The following CTIF variants were observed in gnomAD, a reference collection of about 807,000 sequenced individuals.
CTIF encodes cap binding complex dependent translation initiation factor, also known as CBP80/20-dependent translation initiation factor.
A neutral mutation model predicts 66.0 loss-of-function variants in CTIF; 21 were observed. The ratio of observed to expected loss-of-function variants is 0.32; its 90% confidence interval spans 0.23 to 0.46. The LOEUF (loss-of-function observed/expected upper bound fraction) is 0.46, where lower values mean the gene tolerates loss of function less well. Ranked by LOEUF, CTIF falls within the 20% of genes least tolerant of loss-of-function variation. The probability of loss-of-function intolerance (pLI) is 1.00; values close to 1 mark genes in which losing one functional copy is unlikely to be tolerated. For missense variants in CTIF, 739 were observed against 812.7 expected (o/e 0.91, Z 1.10); for synonymous variants, 345 against 326.4 (o/e 1.06, Z -0.62).
In CTIF at chr18:48,818,933, A is replaced by T. The variant is rs374122592; in HGVS notation, c.1527+1557A>T. Among the ~76,000 whole-genome samples the T allele has an allele frequency of 2.2e-4, 33 of 152,158 alleles. No individual in the cohort carries two copies. The South Asian group carries it at 6.6e-3, about 31-fold the overall frequency. ...TCTGTGAATGGCAGCAGGGAAGGAG[A>T]GCTGTGGGGTCAAGGGGCATCTTTA... On this transcript the variant is annotated intron_variant, in intron 10 of 11. Transcript: ENST00000256413.
intron 1 of CTIF, among the ~76,000 whole-genome samples, chr18:48,572,097 T>C (rs1344510525): frequency 2.0e-5 from 3 of 147,590 alleles, no homozygotes; most frequent in South Asian, 2.2e-4. Flanking sequence ...TCCTCCTCCT[T>C]CTCCTCCTTC....
At chr18:48,729,110 C>T (rs988655259) in intron 7 of CTIF, among the ~76,000 whole-genome samples, 4 of 152,198 alleles carry the variant, frequency 2.6e-5, no homozygotes, top group African/African-American at 9.7e-5. Flanking sequence ...CTGCCCATGG[C>T]CCCTCTCCAT....
At chr18:48,561,448 C>T (rs1284489310) in intron 1 of CTIF, among the ~76,000 whole-genome samples, 1 of 152,150 alleles carries the variant, frequency 6.6e-6, no homozygotes, top group Non-Finnish European at 1.5e-5. Flanking sequence ...CTGGGAAGTG[C>T]AGGCTCTTGG....
intron 2 of CTIF, 136 bp downstream of exon 2, chr18:48,619,881 A>G: frequency 1.1e-6 from 1 of 873,362 alleles, no homozygotes; most frequent in Non-Finnish European, 1.6e-6. Context: ...CAGAGCACCC[A>G]GAATCTGGCA....
chr18:48,817,393 C>T lies in CTIF; in HGVS notation c.1527+17C>T. On this transcript the variant is annotated intron_variant, in intron 10 of 11. Transcript: ENST00000256413. Reference sequence around the variant, plus strand: ...CTCAGGGAGGTAAGAGACCTGCCGCCTGTGCCCCCTGCACAGCCAGACAGC... The same window carrying T: ...CTCAGGGAGGTAAGAGACCTGCCGCTTGTGCCCCCTGCACAGCCAGACAGC... The T allele has an allele frequency of 6.2e-7, 1 of 1,600,348 alleles. No homozygotes were observed. The highest frequency in any genetic ancestry group is 8.5e-7 in the Non-Finnish European group (1 of 1,173,072).
intron 10 of CTIF, among the ~76,000 whole-genome samples, chr18:48,847,942 A>G (rs2069116037): frequency 6.6e-6 from 1 of 152,174 alleles, no homozygotes; most frequent in Non-Finnish European, 1.5e-5. Context: ...CGTCATTACC[A>G]TAGGCACAGT....
intron 7 of CTIF, among the ~76,000 whole-genome samples, chr18:48,736,870 C>T (rs1351708317): frequency 2.6e-5 from 4 of 152,136 alleles, no homozygotes; most frequent in African/African-American, 9.7e-5. Context: ...AGCAGTCACC[C>T]CTCTGTCACC....
At chr18:48,681,345 A>C (rs973493431) in intron 6 of CTIF, among the ~76,000 whole-genome samples, 1 of 152,238 alleles carries the variant, frequency 6.6e-6, no homozygotes, top group Non-Finnish European at 1.5e-5. Flanking sequence ...ATGGCCAAAC[A>C]AACCAAGTGA....
chr18:48,577,336 G>T (rs1195901680), intron 1 of CTIF, among the ~76,000 whole-genome samples: 1 of 152,166 alleles, frequency 6.6e-6, no homozygotes, highest in Non-Finnish European at 1.5e-5. Context: ...ACGGTGTGTA[G>T]GATCCTGCTG....
chr18:48,828,693 C>G (rs2068630853), intron 10 of CTIF, among the ~76,000 whole-genome samples: 1 of 152,266 alleles, frequency 6.6e-6, no homozygotes, highest in Non-Finnish European at 1.5e-5. Context: ...AAAAGTCCTA[C>G]ATCCCTGTCC....
Position 48,797,801 on chromosome 18 carries a change from G to T in CTIF, c.1372-19420G>T, listed in dbSNP as rs182306769. On this transcript the variant is annotated intron_variant, in intron 9 of 11. Transcript: ENST00000256413. ...TTAGATCTCATAGTACCTGTGTGAGGTAACAGGGAGCATCTTACTAACCTA... is the reference window on the plus strand; with the variant it reads ...TTAGATCTCATAGTACCTGTGTGAGTTAACAGGGAGCATCTTACTAACCTA... 5.3e-5 allele frequency among the ~76,000 whole-genome samples: 8 copies of T among 152,230 alleles called. No individual in the cohort carries two copies. In the East Asian group the frequency reaches 1.5e-3, roughly 29 times the overall value.
intron 3 of CTIF, among the ~76,000 whole-genome samples, chr18:48,640,470 C>T (rs138222118): frequency 1.3e-5 from 2 of 152,360 alleles, no homozygotes; most frequent in African/African-American, 4.8e-5. Flanking sequence ...CCTTTTCCTC[C>T]TGCCACACCA....
At chr18:48,635,760 A>G in intron 2 of CTIF, among the ~76,000 whole-genome samples, 1 of 152,220 alleles carries the variant, frequency 6.6e-6, no homozygotes, top group East Asian at 1.9e-4. Flanking sequence ...GAAGGGCTAT[A>G]TGACTGCTAC....
chr18:48,663,892 C>G (rs1019359408), intron 4 of CTIF, 67 bp downstream of exon 4: 4 of 1,361,196 alleles, frequency 2.9e-6, no homozygotes, highest in Non-Finnish European at 2.1e-6. Flanking sequence ...TCCTTGGGGA[C>G]GGAATGAACG....
intron 7 of CTIF, among the ~76,000 whole-genome samples, chr18:48,722,669 C>T (rs533028739): frequency 7.5e-4 from 113 of 151,086 alleles, no homozygotes; most frequent in African/African-American, 2.6e-3. Flanking sequence ...TACCCATCAG[C>T]GCTCACAGGT....
chr18:48,627,507 C>T (rs1484418930), intron 2 of CTIF, among the ~76,000 whole-genome samples: 1 of 151,916 alleles, frequency 6.6e-6, no homozygotes, highest in Non-Finnish European at 1.5e-5. Flanking sequence ...TCACTTGAGC[C>T]CAGGAGTTCG....
At chr18:48,553,172 T>G (rs191924070) in intron 1 of CTIF, among the ~76,000 whole-genome samples, 10,749 of 152,290 alleles carry the variant, frequency 0.071, 470 homozygotes, top group South Asian at 0.11. Context: ...ATCCCCACCT[T>G]GTGCCAGGTT....
At position 48,757,960 on chromosome 18, in the gene CTIF, A is replaced by C; in HGVS notation, c.626A>C (p.His209Pro). 2 of 1,613,806 alleles carry C rather than the reference A, an allele frequency of 1.2e-6. No individual in the cohort carries two copies. Among genetic ancestry groups the C allele is most frequent in the East Asian group, 4.5e-5 (2 of 44,868 alleles). Residue 209 changes from histidine to proline, a missense_variant, in exon 8 of 12, where the codon CAT (histidine) becomes CCT (proline). Coordinates refer to ENST00000256413, the MANE Select transcript of CTIF (RefSeq NM_014772.3). ...RPPGGNKPQQ[H>P]GDHQPGSAKH... ...CCGGGGGGCAACAAGCCCCAACAGCATGGTGACCACCAGCCAGGCAGTGCC... is the reference window on the plus strand; with the variant it reads ...CCGGGGGGCAACAAGCCCCAACAGCCTGGTGACCACCAGCCAGGCAGTGCC...
At chr18:48,694,851 G>A (rs1478566027) in intron 6 of CTIF, among the ~76,000 whole-genome samples, 1 of 152,226 alleles carries the variant, frequency 6.6e-6, no homozygotes, top group Admixed American at 6.5e-5. Flanking sequence ...TTTGGAACAG[G>A]ACTTACAATT....
Sources: gnomAD v4.1 joint callset for allele counts (sites outside exome capture counted in the v4.1 genomes callset) on GRCh38, gnomAD v4.1.1 for gene constraint, MANE v1.5 for transcripts, NCBI Gene and HGNC (gene_info 2026-07-23, HGNC 2026-07-21) for gene names.